The following PAN3 variants were observed in gnomAD, a reference collection of about 807,000 sequenced individuals.
PAN3 encodes poly(A) specific ribonuclease subunit PAN3.
Under a neutral mutation model 96.2 loss-of-function variants are expected in PAN3, and 19 were observed. That is an observed-to-expected ratio of 0.20 (90% confidence interval 0.14 to 0.29). The LOEUF is 0.29. PAN3 is among the 10% of genes least tolerant of loss of function. PAN3 has a pLI of 1.00. For missense variants in PAN3, 882 were observed against 1,108.1 expected (o/e 0.80, Z 2.90); for synonymous variants, 433 against 406.6 (o/e 1.06, Z -0.78).
At chr13:28,154,838 TG>T (rs1871899143) in intron 1 of PAN3, among the ~76,000 whole-genome samples, 2 of 149,960 alleles carry the variant, frequency 1.3e-5, no homozygotes, top group African/African-American at 4.9e-5. Context: ...CTTTTTTTTT[TG>T]AGACGGAGTC....
intron 12 of PAN3, among the ~76,000 whole-genome samples, chr13:28,267,775 G>A (rs1467647749): frequency 2.0e-5 from 3 of 152,126 alleles, no homozygotes; most frequent in East Asian, 3.9e-4. Context: ...AACAGTATGG[G>A]GGAAATTACC....
intron 4 of PAN3, among the ~76,000 whole-genome samples, chr13:28,195,310 G>A (rs1015204231): frequency 7.2e-5 from 11 of 152,240 alleles, no homozygotes; most frequent in Middle Eastern, 3.4e-3. Context: ...GGCTGAGGTG[G>A]GAGGGTCGTT....
intron 1 of PAN3, among the ~76,000 whole-genome samples, chr13:28,152,951 G>A (rs1871563729): frequency 6.6e-6 from 1 of 152,074 alleles, no homozygotes; most frequent in Non-Finnish European, 1.5e-5. Flanking sequence ...GACGCTTTTC[G>A]AGGTCAGTAT....
Position 28,138,813 on chromosome 13 carries a change from C to T in PAN3, c.156C>T (p.Tyr52=). 6 of 1,411,514 alleles carry T rather than the reference C, an allele frequency of 4.3e-6. No homozygotes were observed. Among genetic ancestry groups the T allele is most frequent in the Non-Finnish European group, 5.5e-6 (6 of 1,085,520 alleles). 87.4% of individuals were successfully genotyped at this position (1,411,514 alleles called of 1,614,324 possible). The change falls in exon 1 of 19, where the codon TAC becomes TAT. Residue 52 remains tyrosine, a synonymous_variant. Transcript: ENST00000380958. ...VGVKLKYCRY[Y]AKDKTCFYGE... ...TGAAGCTGAAGTACTGCCGCTACTA[C>T]GCTAAGGATAAGACTTGCTTCTACG... is the stretch of plus-strand genomic sequence containing the variant.
At chr13:28,223,533 A>G (rs1200942507) in intron 6 of PAN3, among the ~76,000 whole-genome samples, 1 of 151,710 alleles carries the variant, frequency 6.6e-6, no homozygotes, top group South Asian at 2.1e-4. Context: ...CAGCCTTCCA[A>G]AATTTAAGAA....
At chr13:28,224,824 A>C (rs556788474) in intron 6 of PAN3, among the ~76,000 whole-genome samples, 1 of 152,096 alleles carries the variant, frequency 6.6e-6, no homozygotes, top group African/African-American at 2.4e-5. Context: ...AGTTCTCACT[A>C]TATTTTCCAG....
intron 18 of PAN3, among the ~76,000 whole-genome samples, chr13:28,289,788 A>G (rs1405883999): frequency 2.0e-5 from 3 of 152,208 alleles, no homozygotes; most frequent in African/African-American, 7.2e-5. Context: ...AGGCTGAGAC[A>G]GGAGAATGGC....
intron 5 of PAN3, among the ~76,000 whole-genome samples, chr13:28,214,152 A>G (rs1013149026): frequency 3.9e-5 from 6 of 152,226 alleles, no homozygotes; most frequent in African/African-American, 1.4e-4. Context: ...TAAAAAGGTT[A>G]TATATACGTA....
chr13:28,169,225 T>A (rs2138072174), intron 1 of PAN3, among the ~76,000 whole-genome samples: 1 of 96,860 alleles, frequency 1.0e-5, no homozygotes, highest in Non-Finnish European at 2.1e-5. Context: ...TTGTTTGCTT[T>A]TTTTTTTTTT....
chr13:28,242,274 C>T (rs183370817), intron 6 of PAN3, among the ~76,000 whole-genome samples: 1 of 152,248 alleles, frequency 6.6e-6, no homozygotes, highest in Admixed American at 6.5e-5. Context: ...TCCGTGATGG[C>T]CTTTGTCAGT....
chr13:28,192,703 G>C (rs146944123), intron 4 of PAN3, among the ~76,000 whole-genome samples: 56 of 152,126 alleles, frequency 3.7e-4, no homozygotes, highest in Non-Finnish European at 1.2e-4. Flanking sequence ...GTCTTCGAGC[G>C]TAAGGTGTGT....
intron 9 of PAN3, among the ~76,000 whole-genome samples, chr13:28,262,854 C>G (rs1219696834): frequency 6.6e-6 from 1 of 152,150 alleles, no homozygotes; most frequent in Admixed American, 6.5e-5. Context: ...GAATAAATAA[C>G]AACAAAAGAT....
At position 28,291,450 on chromosome 13, in the gene PAN3, GA is replaced by G. The variant is rs1263309682; in HGVS notation, c.2524-926del. On this transcript the variant is annotated intron_variant, in intron 18 of 18. Coordinates refer to ENST00000380958, the MANE Select transcript of PAN3 (RefSeq NM_175854.8). ...GCAGAAATACCAAAAGTAAATGTAT[GA>G]AAAAACTTTGATAATAGTAGTTAAA... 2.6e-5 allele frequency among the ~76,000 whole-genome samples: 4 copies of G among 152,262 alleles called. No individual in the cohort carries two copies. The East Asian group carries it at 7.7e-4, about 29-fold the overall frequency.
intron 5 of PAN3, among the ~76,000 whole-genome samples, chr13:28,202,664 C>T (rs1316664282): frequency 6.6e-6 from 1 of 151,924 alleles, no homozygotes; most frequent in Non-Finnish European, 1.5e-5. Context: ...TGTATACACA[C>T]ACACACACAC....
chr13:28,273,466 G>A (rs1207482710), intron 14 of PAN3, among the ~76,000 whole-genome samples: 1 of 152,092 alleles, frequency 6.6e-6, no homozygotes, highest in African/African-American at 2.4e-5. Flanking sequence ...GCCAGGTGTG[G>A]TGGCACACAC....
rs573431415 is a variant in PAN3, at chr13:28,177,804, T to G, written c.620-61T>G. 7 of 1,330,862 alleles carry G rather than the reference T, an allele frequency of 5.3e-6. No homozygotes were observed. In the African/African-American group the frequency reaches 1.0e-4, roughly 19 times the overall value. The allele number at this position is 1,330,862 out of a possible 1,614,324, so 82.4% of individuals were successfully genotyped here. A position where few individuals can be genotyped will look rare whatever the true frequency, so the allele number is the denominator to read the frequency against. On this transcript the variant is annotated intron_variant, in intron 3 of 18. Transcript: ENST00000380958. The stretch of plus-strand genomic sequence containing the variant: ...TTATAGGCATTGTCAAATTAAACAG[T>G]TATTAGATTTGCGGGTTACCCAAGT...
chr13:28,226,019 T>TGTAC (rs1324376222), intron 6 of PAN3, among the ~76,000 whole-genome samples: 1 of 152,088 alleles, frequency 6.6e-6, no homozygotes, highest in Non-Finnish European at 1.5e-5. Flanking sequence ...AGCTAAGGAG[T>TGTAC]GTACCATTGG....
intron 4 of PAN3, among the ~76,000 whole-genome samples, chr13:28,193,169 T>C (rs748629266): frequency 1.5e-4 from 23 of 152,200 alleles, no homozygotes; most frequent in Non-Finnish European, 2.6e-4. Context: ...GGGCCTCTGG[T>C]TGGAGAAGCT....
chr13:28,162,301 T>C (rs1872976238), intron 1 of PAN3, among the ~76,000 whole-genome samples: 1 of 152,206 alleles, frequency 6.6e-6, no homozygotes, highest in Non-Finnish European at 1.5e-5. Context: ...GAGTATCTGC[T>C]GAGGGGGTAG....
Sources: allele counts gnomAD v4.1 joint callset (sites outside exome capture counted in the v4.1 genomes callset), GRCh38; gene constraint gnomAD v4.1.1; transcripts MANE v1.5; gene names NCBI Gene and HGNC (gene_info 2026-07-23, HGNC 2026-07-21).